FBXL17: variants seen among roughly 807,000 people sequenced by gnomAD.
The protein encoded by FBXL17 is F-box/LRR-repeat protein 17.
A neutral mutation model predicts 66.2 loss-of-function variants in FBXL17; 22 were observed. That is an observed-to-expected ratio of 0.33 (90% confidence interval 0.24 to 0.47). FBXL17 has a LOEUF of 0.47. Ranked by LOEUF, FBXL17 falls within the 20% of genes least tolerant of loss-of-function variation. FBXL17 has a pLI of 1.00. For missense variants in FBXL17, 878 were observed against 948.2 expected (o/e 0.93, Z 0.97); for synonymous variants, 474 against 400.5 (o/e 1.18, Z -2.19).
Position 108,041,409 on chromosome 5 carries a change from T to TTTATG in FBXL17, c.1746-20409_1746-20408insCATAA, listed in dbSNP as rs1554059529. On this transcript the variant is annotated intron_variant, in intron 6 of 8. Coordinates refer to ENST00000542267, the MANE Select transcript of FBXL17 (RefSeq NM_001163315.3). ...ACACTAAGCAAATTGCCTTTTTGTT[T>TTTATG]TTTTGTTTTGTTTTGTTTTGTTTTT... 5.1e-3 allele frequency among the ~76,000 whole-genome samples: 774 copies of TTTATG among 152,184 alleles called. 3 individuals carry two copies. The highest frequency in any genetic ancestry group is 0.018 in the South Asian group (88 of 4,812).
At chr5:107,986,792 A>G (rs1224451109) in intron 7 of FBXL17, among the ~76,000 whole-genome samples, 1 of 152,024 alleles carries the variant, frequency 6.6e-6, no homozygotes, top group Non-Finnish European at 1.5e-5. Context: ...TATAATGACA[A>G]TTTTGAAAAC....
chr5:108,152,816 C>G (rs1216197551), intron 6 of FBXL17, among the ~76,000 whole-genome samples: 5 of 152,152 alleles, frequency 3.3e-5, no homozygotes, highest in Admixed American at 2.0e-4. Context: ...ATGAGATATA[C>G]TAAAAAGTAT....
At chr5:108,126,744 CA>C (rs1395185216) in intron 6 of FBXL17, among the ~76,000 whole-genome samples, 2 of 149,196 alleles carry the variant, frequency 1.3e-5, no homozygotes, top group East Asian at 3.9e-4. Flanking sequence ...GGTCAGATGA[CA>C]AAGCTCACTG....
intron 4 of FBXL17, among the ~76,000 whole-genome samples, chr5:108,231,316 C>A (rs906327883): frequency 2.6e-5 from 4 of 152,246 alleles, no homozygotes; most frequent in African/African-American, 9.6e-5. Flanking sequence ...ATTCTATGCT[C>A]ATATACAGTT....
chr5:108,296,328 C>T (rs1758348754), intron 4 of FBXL17, among the ~76,000 whole-genome samples: 1 of 151,778 alleles, frequency 6.6e-6, no homozygotes, highest in Admixed American at 6.6e-5. Context: ...ACAGCTGACA[C>T]TACAAGTCTT....
Position 108,323,176 on chromosome 5 carries a change from C to A in FBXL17, c.1506+25223G>T, listed in dbSNP as rs1299698160. Among the ~76,000 whole-genome samples, 6 of 151,668 alleles carry A rather than the reference C, an allele frequency of 4.0e-5. No homozygotes were observed. In the East Asian group the frequency reaches 1.2e-3, roughly 29 times the overall value. ...GAAGAGACAAAATTATCTCTGTTCA[C>A]AGATGACATGATATTGTAAATAGAA... On this transcript the variant is annotated intron_variant, in intron 4 of 8. Coordinates refer to ENST00000542267, the MANE Select transcript of FBXL17 (RefSeq NM_001163315.3).
At chr5:108,056,621 T>G (rs553589694) in intron 6 of FBXL17, among the ~76,000 whole-genome samples, 9 of 152,190 alleles carry the variant, frequency 5.9e-5, no homozygotes, top group African/African-American at 1.2e-4. Flanking sequence ...GCAGCCACAG[T>G]GTTGAGACAG....
chr5:108,346,633 A>C (rs757870065), intron 4 of FBXL17, among the ~76,000 whole-genome samples: 12 of 152,168 alleles, frequency 7.9e-5, no homozygotes, highest in African/African-American at 1.7e-4. Flanking sequence ...ACCAAAAGTT[A>C]GGTAACAAAT....
Position 108,018,371 on chromosome 5 carries a change from C to T in FBXL17, c.1822+2554G>A, listed in dbSNP as rs185106283. Among the ~76,000 whole-genome samples the T allele has an allele frequency of 1.4e-4, 22 of 152,288 alleles. No homozygotes were observed. The East Asian group carries it at 4.0e-3, about 28-fold the overall frequency. On this transcript the variant is annotated intron_variant, in intron 7 of 8. Coordinates refer to ENST00000542267, the MANE Select transcript of FBXL17 (RefSeq NM_001163315.3). ...GGGGGACACAGTCTCTCCAGCAGTG[C>T]AGTTACCTTTAATAACATGCTGTTT...
At chr5:108,119,709 T>A (rs914758014) in intron 6 of FBXL17, among the ~76,000 whole-genome samples, 1 of 152,190 alleles carries the variant, frequency 6.6e-6, no homozygotes, top group Non-Finnish European at 1.5e-5. Context: ...TGCACAAGGT[T>A]CTATGTAAGG....
At chr5:107,949,723 A>G (rs1021760720) in intron 7 of FBXL17, among the ~76,000 whole-genome samples, 4 of 152,206 alleles carry the variant, frequency 2.6e-5, no homozygotes, top group Admixed American at 2.6e-4. Flanking sequence ...CTAAGCACTT[A>G]ATGATATGCT....
intron 6 of FBXL17, among the ~76,000 whole-genome samples, chr5:108,128,089 T>C (rs533033206): frequency 8.6e-5 from 13 of 151,906 alleles, no homozygotes; most frequent in African/African-American, 3.1e-4. Context: ...CTACTAAAAA[T>C]ATAGAAATTA....
At chr5:108,031,637 AT>A (rs1393471796) in intron 6 of FBXL17, among the ~76,000 whole-genome samples, 5 of 152,170 alleles carry the variant, frequency 3.3e-5, no homozygotes, top group African/African-American at 1.2e-4. Context: ...TCTTAATAGC[AT>A]TGTAAACTTA....
At chr5:108,162,175 T>C (rs1057286154) in intron 6 of FBXL17, among the ~76,000 whole-genome samples, 8 of 152,200 alleles carry the variant, frequency 5.3e-5, no homozygotes, top group South Asian at 2.1e-4. Flanking sequence ...CACTGCTTTA[T>C]TCCAAATGCT....
At chr5:107,982,989 CA>C (rs1752881459) in intron 7 of FBXL17, among the ~76,000 whole-genome samples, 1 of 152,144 alleles carries the variant, frequency 6.6e-6, no homozygotes, top group Non-Finnish European at 1.5e-5. Context: ...ATTTTCTTAG[CA>C]GTCCATTATC....
At chr5:108,322,168 C>A (rs1215013763) in intron 4 of FBXL17, among the ~76,000 whole-genome samples, 3 of 151,914 alleles carry the variant, frequency 2.0e-5, no homozygotes, top group Admixed American at 1.3e-4. Flanking sequence ...GGGGCCTGTA[C>A]ACTCTGACTC....
chr5:108,052,946 A>G (rs1374911072), intron 6 of FBXL17, among the ~76,000 whole-genome samples: 1 of 152,164 alleles, frequency 6.6e-6, no homozygotes, highest in Non-Finnish European at 1.5e-5. Context: ...AGCAATGGGG[A>G]AAAAAATCTC....
intron 6 of FBXL17, among the ~76,000 whole-genome samples, chr5:108,164,238 C>T (rs893901884): frequency 6.6e-6 from 1 of 152,122 alleles, no homozygotes; most frequent in Non-Finnish European, 1.5e-5. Flanking sequence ...CATACACGAA[C>T]CAGGACTGTG....
intron 7 of FBXL17, among the ~76,000 whole-genome samples, chr5:107,980,348 A>G (rs1752759740): frequency 1.3e-5 from 2 of 151,880 alleles, no homozygotes; most frequent in African/African-American, 4.8e-5. Context: ...CCTTCAATTA[A>G]CTTAATCCTA....
Sources: gnomAD v4.1 joint callset for allele counts (sites outside exome capture counted in the v4.1 genomes callset) on GRCh38, gnomAD v4.1.1 for gene constraint, MANE v1.5 for transcripts, NCBI Gene and HGNC (gene_info 2026-07-23, HGNC 2026-07-21) for gene names.